The following DAAM1 variants were observed in gnomAD, a reference collection of about 807,000 sequenced individuals.
The protein encoded by DAAM1 is disheveled-associated activator of morphogenesis 1.
Under a neutral mutation model 130.0 loss-of-function variants are expected in DAAM1, and 52 were observed. The observed-to-expected ratio is 0.40, with a 90% CI of 0.32 to 0.50. The LOEUF (loss-of-function observed/expected upper bound fraction) is 0.50, where lower values mean the gene tolerates loss of function less well. DAAM1 is among the 20% of genes least tolerant of loss of function. The probability of loss-of-function intolerance (pLI) is 0.61; values close to 1 mark genes in which losing one functional copy is unlikely to be tolerated. For synonymous variants in DAAM1, 452 were observed against 444.5 expected (o/e 1.02, Z -0.21); for missense variants, 1,134 against 1,303.8 (o/e 0.87, Z 2.01).
intron 2 of DAAM1, among the ~76,000 whole-genome samples, chr14:59,270,280 C>T (rs974976128): frequency 1.3e-5 from 2 of 152,168 alleles, no homozygotes; most frequent in African/African-American, 4.8e-5. Flanking sequence ...CAAGATTGAG[C>T]ATCTGCATCT....
Position 59,268,686 on chromosome 14 carries a change from G to C in DAAM1, c.183+5026G>C, listed in dbSNP as rs376378034. Among the ~76,000 whole-genome samples, 9 of 152,296 alleles carry C rather than the reference G, an allele frequency of 5.9e-5. No individual in the cohort carries two copies. In the East Asian group the frequency reaches 1.5e-3, roughly 26 times the overall value. The stretch of plus-strand genomic sequence containing the variant: ...TATTTACAAATAAAACCTAAGTTAA[G>C]AGTCTGTTTAATCTCTGCTAACCAT... On this transcript the variant is annotated intron_variant, in intron 2 of 24. Transcript: ENST00000360909.
intron 2 of DAAM1, among the ~76,000 whole-genome samples, chr14:59,277,235 C>T (rs553267784): frequency 6.7e-4 from 102 of 152,188 alleles, no homozygotes; most frequent in East Asian, 5.8e-4. Context: ...AAATTCCTTC[C>T]CTTGCTTTAT....
chr14:59,260,008 C>T (rs1882097034), intron 1 of DAAM1, among the ~76,000 whole-genome samples: 1 of 152,052 alleles, frequency 6.6e-6, no homozygotes, highest in African/African-American at 2.4e-5. Flanking sequence ...CGCGCCACTG[C>T]ACTCTAGCCT....
chr14:59,263,587 C>T lies in DAAM1; in HGVS notation c.110C>T (p.Ala37Val), dbSNP rs767296656. The T allele has an allele frequency of 5.3e-5, 85 of 1,614,052 alleles. No homozygotes were observed. The highest frequency in any genetic ancestry group is 6.6e-5 in the Non-Finnish European group (78 of 1,180,036). ...CGGCTGCGAAATGATAGCAACTTTG[C>T]GCTTCAGACCATGGAACCAGCATTG... ...TYRLRNDSNF[A>V]LQTMEPALPM... Residue 37 changes from alanine to valine, a missense_variant, in exon 2 of 25, where the codon GCG becomes GTG. By Grantham distance (64) the Ala-to-Val change is moderately conservative. Coordinates refer to ENST00000360909, the MANE Select transcript of DAAM1 (RefSeq NM_001270520.2).
intron 3 of DAAM1, among the ~76,000 whole-genome samples, chr14:59,310,757 T>C (rs1292257333): frequency 6.6e-6 from 1 of 152,084 alleles, no homozygotes; most frequent in Non-Finnish European, 1.5e-5. Flanking sequence ...AGTTAAAGAG[T>C]GTGTCTTTCT....
chr14:59,292,003 G>A (rs1216065200), intron 3 of DAAM1, among the ~76,000 whole-genome samples: 1 of 152,148 alleles, frequency 6.6e-6, no homozygotes, highest in African/African-American at 2.4e-5. Context: ...CCTAGTATCT[G>A]TGGCACCAGG....
intron 15 of DAAM1, chr14:59,338,406 T>A: frequency 6.2e-7 from 1 of 1,613,750 alleles, no homozygotes; most frequent in Non-Finnish European, 8.5e-7. Flanking sequence ...GAACAGTAAC[T>A]CCAAGCAGGT....
At chr14:59,367,108 C>T (rs28645961) in intron 23 of DAAM1, among the ~76,000 whole-genome samples, 102,374 of 151,652 alleles carry the variant, frequency 0.68, 35,159 homozygotes, top group East Asian at 0.85. Context: ...GCCAACATGG[C>T]AAAATCCTGA....
intron 1 of DAAM1, among the ~76,000 whole-genome samples, chr14:59,225,025 T>G (rs950749550): frequency 3.7e-5 from 5 of 136,474 alleles, no homozygotes; most frequent in African/African-American, 1.1e-4. Flanking sequence ...GTGGGTTTTT[T>G]TTTTTTTTTT....
chr14:59,281,938 T>G (rs1344874686), intron 2 of DAAM1, among the ~76,000 whole-genome samples: 1 of 152,114 alleles, frequency 6.6e-6, no homozygotes, highest in Non-Finnish European at 1.5e-5. Context: ...TCCCAGTTAT[T>G]ATCGAATTTA....
intron 15 of DAAM1, among the ~76,000 whole-genome samples, chr14:59,339,309 A>G (rs1268581): frequency 0.75 from 113,772 of 152,164 alleles, 43,115 homozygotes; most frequent in Middle Eastern, 0.86. Context: ...TGCTAATGAA[A>G]TCAAACTTGC....
At chr14:59,297,528 G>T (rs1427749385) in intron 3 of DAAM1, among the ~76,000 whole-genome samples, 1 of 152,134 alleles carries the variant, frequency 6.6e-6, no homozygotes, top group Admixed American at 6.5e-5. Flanking sequence ...TGTTTCTAAA[G>T]AAATTTTAAT....
intron 3 of DAAM1, among the ~76,000 whole-genome samples, chr14:59,298,663 T>A (rs1161057521): frequency 6.6e-6 from 1 of 152,242 alleles, no homozygotes; most frequent in African/African-American, 2.4e-5. Flanking sequence ...ATACTGTTCA[T>A]TCAAAGATTC....
intron 1 of DAAM1, among the ~76,000 whole-genome samples, chr14:59,231,632 A>G (rs1293238472): frequency 6.6e-6 from 1 of 152,172 alleles, no homozygotes; most frequent in Non-Finnish European, 1.5e-5. Context: ...CCTTGGCAGT[A>G]TACTTAATCT....
At chr14:59,326,396 A>G in intron 10 of DAAM1, 114 bp from the exon 11 acceptor site, 5 of 1,068,688 alleles carry the variant, frequency 4.7e-6, no homozygotes, top group South Asian at 1.9e-5. Flanking sequence ...ATTGGTGCAG[A>G]TGTTATAAAC....
chr14:59,354,051 T>A, intron 19 of DAAM1, 87 bp downstream of exon 19: 2 of 1,246,176 alleles, frequency 1.6e-6, no homozygotes, highest in Non-Finnish European at 2.2e-6. Flanking sequence ...GTAAACAAGA[T>A]CCCCTTGGTG....
intron 19 of DAAM1, among the ~76,000 whole-genome samples, chr14:59,354,534 C>T (rs1014035777): frequency 1.3e-5 from 2 of 152,154 alleles, no homozygotes; most frequent in Non-Finnish European, 2.9e-5. Flanking sequence ...AGGAGTTAAT[C>T]TCACTGCTAC....
intron 15 of DAAM1, among the ~76,000 whole-genome samples, chr14:59,335,936 G>A (rs1453209555): frequency 1.3e-5 from 2 of 151,372 alleles, no homozygotes; most frequent in Admixed American, 1.3e-4. Context: ...ATTGAAAAAT[G>A]TTATGATTTA....
intron 1 of DAAM1, among the ~76,000 whole-genome samples, chr14:59,215,842 A>G (rs1381940862): frequency 6.6e-6 from 1 of 152,214 alleles, no homozygotes; most frequent in Non-Finnish European, 1.5e-5. Flanking sequence ...GCTTTGGGTC[A>G]TATATTGACA....
Sources: allele counts gnomAD v4.1 joint callset (sites outside exome capture counted in the v4.1 genomes callset), GRCh38; gene constraint gnomAD v4.1.1; transcripts MANE v1.5; gene names NCBI Gene and HGNC (gene_info 2026-07-23, HGNC 2026-07-21).